VDAC2: variants seen among roughly 807,000 people sequenced by gnomAD.
The protein encoded by VDAC2 is voltage dependent anion channel 2.
A neutral mutation model predicts 36.6 loss-of-function variants in VDAC2; 6 were observed. That is an observed-to-expected ratio of 0.16 (90% CI 0.09 to 0.32). The LOEUF (loss-of-function observed/expected upper bound fraction) is 0.32. Among genes scored for constraint, VDAC2 ranks in the 10% least tolerant of loss-of-function variants. The pLI is 1.00. For synonymous variants in VDAC2, 109 were observed against 123.8 expected (o/e 0.88, Z 0.79); for missense variants, 247 against 346.0 (o/e 0.71, Z 2.27).
intron 9 of VDAC2, among the ~76,000 whole-genome samples, 199 bp downstream of exon 9, chr10:75,229,900 C>T (rs191657957): frequency 4.1e-4 from 61 of 150,482 alleles, no homozygotes; most frequent in South Asian, 6.3e-4. Flanking sequence ...TTGGTCATGA[C>T]ACTTCTCTTC....
chr10:75,215,059 C>T (rs1207377327), intron 4 of VDAC2, among the ~76,000 whole-genome samples: 1 of 151,784 alleles, frequency 6.6e-6, no homozygotes, highest in African/African-American at 2.4e-5. Context: ...GAGTACAGGC[C>T]GTATCCATCA....
intron 6 of VDAC2, among the ~76,000 whole-genome samples, chr10:75,219,606 C>T (rs144745900): frequency 1.0e-3 from 153 of 152,030 alleles, no homozygotes; most frequent in African/African-American, 3.3e-3. Flanking sequence ...GCCTCTGCCT[C>T]CCTGAGTAGC....
At chr10:75,213,754 A>T (rs2132253838) in intron 3 of VDAC2, among the ~76,000 whole-genome samples, 1 of 151,874 alleles carries the variant, frequency 6.6e-6, no homozygotes, top group South Asian at 2.1e-4. Flanking sequence ...AAAATAAATA[A>T]ATAAATAAAT....
At chr10:75,211,071 C>T (rs563102950) in intron 1 of VDAC2, 63 bp from the exon 2 acceptor site, 2 of 1,471,730 alleles carry the variant, frequency 1.4e-6, no homozygotes, top group South Asian at 1.3e-5. Context: ...TCGCCCCTCT[C>T]TGCCCGGGAT....
chr10:75,211,567 C>A, intron 2 of VDAC2: 1 of 1,550,546 alleles, frequency 6.4e-7, no homozygotes, highest in Non-Finnish European at 8.7e-7. Flanking sequence ...AGGGCGTGGA[C>A]GTGCTTTGTG....
intron 9 of VDAC2, among the ~76,000 whole-genome samples, chr10:75,230,293 A>G (rs778748932): frequency 6.6e-6 from 1 of 152,230 alleles, no homozygotes; most frequent in South Asian, 2.1e-4. Flanking sequence ...AATGAACATC[A>G]TATGTCCTTA....
At chr10:75,211,229 G>C in intron 2 of VDAC2, 40 bp downstream of exon 2, 1 of 1,608,000 alleles carries the variant, frequency 6.2e-7, no homozygotes, top group South Asian at 1.1e-5. Flanking sequence ...GGGCGGCGGA[G>C]AGTCGAAGCC....
chr10:75,230,921 C>G lies in VDAC2; in HGVS notation c.817C>G (p.Leu273Val). Reference sequence around the variant, plus strand: ...AGGTGTGAAGCTTACACTCTCTGCTCTGGTAGATGGGAAGAGCATTAATGC... The same window carrying G: ...AGGTGTGAAGCTTACACTCTCTGCTGTGGTAGATGGGAAGAGCATTAATGC... Reference protein sequence around the residue: ...RPGVKLTLSALVDGKSINAGG... With the variant: ...RPGVKLTLSAVVDGKSINAGG... The change falls in exon 10 of 10, where the codon CTG becomes GTG. Residue 273 changes from leucine (L) to valine (V), a missense_variant. By Grantham distance (32) the Leu-to-Val change is conservative (BLOSUM62 1). Coordinates refer to ENST00000332211, the MANE Select transcript of VDAC2 (RefSeq NM_001391963.1). 6.2e-7 allele frequency: 1 copy of G among 1,613,672 alleles called. No individual in the cohort carries two copies. The highest frequency in any genetic ancestry group is 1.3e-5 in the African/African-American group (1 of 75,010).
chr10:75,215,320 T>C (rs772770494), intron 4 of VDAC2, among the ~76,000 whole-genome samples: 8 of 152,098 alleles, frequency 5.3e-5, no homozygotes, highest in Non-Finnish European at 1.2e-4. Flanking sequence ...GTTATTTTGA[T>C]ATATGTATGT....
At chr10:75,226,310 C>G (rs1303875130) in intron 8 of VDAC2, among the ~76,000 whole-genome samples, 1 of 152,036 alleles carries the variant, frequency 6.6e-6, no homozygotes, top group East Asian at 1.9e-4. Flanking sequence ...TTGTCAAGTT[C>G]CTGGCTCACA....
intron 9 of VDAC2, 76 bp from the exon 10 acceptor site, chr10:75,230,820 CTG>C (rs1842079583): frequency 3.3e-5 from 41 of 1,258,328 alleles, no homozygotes; most frequent in South Asian, 3.2e-4. Context: ...CTGGGGATGA[CTG>C]TGAAAGAAGG....
At chr10:75,211,778 C>A in intron 2 of VDAC2, 3 of 1,286,014 alleles carry the variant, frequency 2.3e-6, no homozygotes, top group Non-Finnish European at 3.3e-6. Flanking sequence ...TCTTCCCACT[C>A]CAGGGTGTTG....
chr10:75,222,410 C>T lies in VDAC2; in HGVS notation c.735+8C>T, dbSNP rs1841840091. On this transcript the variant is annotated splice_region_variant and intron_variant, in intron 8 of 9. Coordinates refer to ENST00000332211, the MANE Select transcript of VDAC2 (RefSeq NM_001391963.1). ...CCCACTGCTTCCATTTCTGTGAGTA[C>T]TTTTGTGGACTTAGAATGGGGGTTT... 3.7e-6 allele frequency: 6 copies of T among 1,613,662 alleles called. 1 individual carries two copies. The East Asian group carries it at 1.3e-4, about 36-fold the overall frequency.
intron 7 of VDAC2, 73 bp from the exon 8 acceptor site, chr10:75,222,179 C>G: frequency 6.9e-7 from 1 of 1,441,406 alleles, no homozygotes; most frequent in South Asian, 1.3e-5. Flanking sequence ...AAATGTAATG[C>G]TACAAATCAG....
At chr10:75,223,866 C>T (rs1176998905) in intron 8 of VDAC2, among the ~76,000 whole-genome samples, 2 of 152,168 alleles carry the variant, frequency 1.3e-5, no homozygotes, top group Admixed American at 6.5e-5. Flanking sequence ...CCCACAAGGA[C>T]AGAGGTCAGT....
At chr10:75,210,426 G>A (rs1051790248), upstream of VDAC2, among the ~76,000 whole-genome samples, 4 of 152,208 alleles carry the variant, frequency 2.6e-5, no homozygotes, top group Admixed American at 2.6e-4. Context: ...AAGGGGAGTA[G>A]GAGAGATCTA....
chr10:75,214,605 A>C (rs1263974492), intron 4 of VDAC2, among the ~76,000 whole-genome samples: 1 of 151,894 alleles, frequency 6.6e-6, no homozygotes, highest in Non-Finnish European at 1.5e-5. Flanking sequence ...GCTCACTGCA[A>C]CCTCCGCCTC....
intron 8 of VDAC2, among the ~76,000 whole-genome samples, chr10:75,227,264 AC>A (rs1362724619): frequency 6.6e-6 from 1 of 152,146 alleles, no homozygotes; most frequent in African/African-American, 2.4e-5. Flanking sequence ...GGTTGTGGGA[AC>A]CCCAGTTTAT....
intron 4 of VDAC2, among the ~76,000 whole-genome samples, chr10:75,215,601 C>G (rs7902479): frequency 0.053 from 8,137 of 152,262 alleles, 351 homozygotes; most frequent in African/African-American, 0.12. Context: ...ATCTGCCCAC[C>G]TCGGGCTCCC....
Sources: allele counts gnomAD v4.1 joint callset (sites outside exome capture counted in the v4.1 genomes callset), GRCh38; gene constraint gnomAD v4.1.1; transcripts MANE v1.5; gene names NCBI Gene and HGNC (gene_info 2026-07-23, HGNC 2026-07-21).